Variants in SLAMF6 observed in about 807,000 individuals in gnomAD.
SLAMF6 encodes SLAM family member 6.
A neutral mutation model predicts 38.3 loss-of-function variants in SLAMF6; 21 were observed. The ratio of observed to expected loss-of-function variants is 0.55; its 90% CI spans 0.39 to 0.79. The LOEUF (loss-of-function observed/expected upper bound fraction) is 0.79, where lower values mean the gene tolerates loss of function less well. SLAMF6 is among the 30% of genes least tolerant of loss of function. The pLI is 0.00. For missense variants in SLAMF6, 341 were observed against 385.3 expected, an observed-to-expected ratio of 0.89 and a Z score of 0.96; for synonymous variants, 152 against 146.3, an observed-to-expected ratio of 1.04 and a Z score of -0.28.
chr1:160,499,787 G>C (rs1653786500), intron 1 of SLAMF6, among the ~76,000 whole-genome samples: 1 of 152,162 alleles, frequency 6.6e-6, no homozygotes, highest in African/African-American at 2.4e-5. Flanking sequence ...CTCAGCTCCT[G>C]GGTGAGCTTG....
At chr1:160,489,211 TG>T (rs1173271669) in intron 5 of SLAMF6, 41 bp from the exon 6 acceptor site, 4 of 1,607,434 alleles carry the variant, frequency 2.5e-6, no homozygotes, top group Non-Finnish European at 3.4e-6. Context: ...ACAAGGACTC[TG>T]GGACTTCTCT....
chr1:160,505,406 A>C (rs1654129614), intron 1 of SLAMF6, among the ~76,000 whole-genome samples: 1 of 151,718 alleles, frequency 6.6e-6, no homozygotes, highest in Admixed American at 6.6e-5. Context: ...TCTTTAAGTC[A>C]ACTGTCTTTT....
intron 1 of SLAMF6, among the ~76,000 whole-genome samples, chr1:160,520,696 A>C (rs1162667969): frequency 6.6e-6 from 1 of 152,176 alleles, no homozygotes; most frequent in Non-Finnish European, 1.5e-5. Context: ...ATTATTTTTC[A>C]ATATGGTTTG....
At chr1:160,502,000 T>C (rs188830597) in intron 1 of SLAMF6, among the ~76,000 whole-genome samples, 1 of 152,254 alleles carries the variant, frequency 6.6e-6, no homozygotes, top group East Asian at 1.9e-4. Context: ...CAGATGCTAC[T>C]GAAAATGTTT....
chr1:160,520,352 C>G (rs564769310), intron 1 of SLAMF6, among the ~76,000 whole-genome samples: 2 of 152,270 alleles, frequency 1.3e-5, no homozygotes, highest in Admixed American at 1.3e-4. Flanking sequence ...ATTTCTTCCT[C>G]CCTACAATCC....
chr1:160,522,629 T>TC (rs942663024), intron 1 of SLAMF6, among the ~76,000 whole-genome samples: 1 of 5,666 alleles, frequency 1.8e-4, no homozygotes, highest in South Asian at 4.2e-3. Flanking sequence ...GATGGAAACC[T>TC]TTTTTTTTGC....
At chr1:160,508,440 A>G (rs1249263393) in intron 1 of SLAMF6, among the ~76,000 whole-genome samples, 1 of 152,220 alleles carries the variant, frequency 6.6e-6, no homozygotes, top group Admixed American at 6.5e-5. Context: ...TGGTGCTGGG[A>G]AAACTGGCTA....
chr1:160,491,465 C>T, intron 2 of SLAMF6, 77 bp from the exon 3 acceptor site: 2 of 1,541,682 alleles, frequency 1.3e-6, no homozygotes, highest in African/African-American at 2.7e-5. Context: ...TATCCTTCAC[C>T]TCAATGTTTT....
intron 1 of SLAMF6, among the ~76,000 whole-genome samples, chr1:160,519,935 T>C (rs1288392813): frequency 6.6e-6 from 1 of 152,134 alleles, no homozygotes; most frequent in African/African-American, 2.4e-5. Flanking sequence ...TTACAAGAAT[T>C]TCACCTTAAT....
chr1:160,504,806 T>C (rs1654095774), intron 1 of SLAMF6, among the ~76,000 whole-genome samples: 1 of 152,154 alleles, frequency 6.6e-6, no homozygotes, highest in Non-Finnish European at 1.5e-5. Flanking sequence ...AATTCAGGCA[T>C]TAAGAAAATG....
At position 160,490,237 on chromosome 1, in the gene SLAMF6, C is replaced by A. The variant is rs770010519; in HGVS notation, c.758-1G>T. 1.9e-6 allele frequency: 3 copies of A among 1,613,626 alleles called. No homozygotes were observed. The Admixed American group carries it at 5.0e-5, about 27-fold the overall frequency. Reference sequence around the variant, plus strand: ...CGCTGAGTAGACAAAGATAGGGAATCTGAAAAATAAAACCAGAAAATTGAA... The same window carrying A: ...CGCTGAGTAGACAAAGATAGGGAATATGAAAAATAAAACCAGAAAATTGAA... On this transcript the variant is annotated splice_acceptor_variant, in intron 4 of 7. Coordinates refer to ENST00000368057, the MANE Select transcript of SLAMF6 (RefSeq NM_001184714.2). LOFTEE classifies it high-confidence loss of function.
At position 160,485,725 on chromosome 1, in the gene SLAMF6, C is replaced by G. The variant is rs186602161; in HGVS notation, c.*982G>C. ...TTGTGGAGAGTGGGTTGGAGAGGGACAAGAACAAAAGTGAGGACAACTGTT... is the reference window on the plus strand; with the variant it reads ...TTGTGGAGAGTGGGTTGGAGAGGGAGAAGAACAAAAGTGAGGACAACTGTT... On this transcript the variant is annotated 3_prime_UTR_variant, in exon 8 of 8. Transcript: ENST00000368057. The G allele has an allele frequency of 1.6e-4, 25 of 152,648 alleles. No individual in the cohort carries two copies. 9.5% of individuals were successfully genotyped at this position (152,648 alleles called of 1,614,324 possible).
chr1:160,518,932 TAAAAAAG>T (rs1654866713), intron 1 of SLAMF6, among the ~76,000 whole-genome samples: 1 of 151,708 alleles, frequency 6.6e-6, no homozygotes, highest in African/African-American at 2.4e-5. Flanking sequence ...AATAAAATGA[TAAAAAAG>T]AAAAAAGATA....
At chr1:160,487,771 A>G (rs1653045781) in intron 6 of SLAMF6, among the ~76,000 whole-genome samples, 1 of 152,158 alleles carries the variant, frequency 6.6e-6, no homozygotes. Flanking sequence ...GACACTTTAA[A>G]TTAATGAAGA....
At position 160,523,207 on chromosome 1, in the gene SLAMF6, A is replaced by T. The variant is rs770562274; in HGVS notation, c.-15T>A. 3 of 1,612,916 alleles carry T rather than the reference A, an allele frequency of 1.9e-6. No individual in the cohort carries two copies. The South Asian group carries it at 3.3e-5, about 18-fold the overall frequency. On this transcript the variant is annotated 5_prime_UTR_variant, in exon 1 of 8. Coordinates refer to ENST00000368057, the MANE Select transcript of SLAMF6 (RefSeq NM_001184714.2). ...AGCCACAACATGCTTTCCGCGGTGAAGACTGGTGCTTGAGACCTTGAGGCA... is the reference window on the plus strand; with the variant it reads ...AGCCACAACATGCTTTCCGCGGTGATGACTGGTGCTTGAGACCTTGAGGCA...
Position 160,485,696 on chromosome 1 carries a change from CA to C in SLAMF6, c.*1010del, listed in dbSNP as rs1571274742. On this transcript the variant is annotated 3_prime_UTR_variant, in exon 8 of 8. Coordinates refer to ENST00000368057, the MANE Select transcript of SLAMF6 (RefSeq NM_001184714.2). Reference sequence around the variant, plus strand: ...TTTATATTAAAAACATTACTCTGGCCATCTTGTGGAGAGTGGGTTGGAGAGG... The same window carrying C: ...TTTATATTAAAAACATTACTCTGGCCTCTTGTGGAGAGTGGGTTGGAGAGG... 2 of 152,574 alleles carry C rather than the reference CA, an allele frequency of 1.3e-5. No homozygotes were observed. Among genetic ancestry groups the C allele is most frequent in the African/African-American group, 4.8e-5 (2 of 41,414 alleles). 9.5% of individuals were successfully genotyped at this position (152,574 alleles called of 1,614,324 possible). A position where few individuals can be genotyped will look rare whatever the true frequency, so the allele number is the denominator to read the frequency against.
intron 6 of SLAMF6, 55 bp downstream of exon 6, chr1:160,489,033 G>T: frequency 1.3e-6 from 2 of 1,487,934 alleles, no homozygotes; most frequent in African/African-American, 1.4e-5. Context: ...TGACAAGTTT[G>T]TGAACAATGG....
At chr1:160,489,256 TC>T in intron 5 of SLAMF6, 86 bp from the exon 6 acceptor site, 1 of 1,308,984 alleles carries the variant, frequency 7.6e-7, no homozygotes, top group Non-Finnish European at 1.1e-6. Flanking sequence ...GCACACTGTG[TC>T]CCCAGATAGG....
At chr1:160,519,604 T>C (rs1654894542) in intron 1 of SLAMF6, among the ~76,000 whole-genome samples, 1 of 152,142 alleles carries the variant, frequency 6.6e-6, no homozygotes, top group Non-Finnish European at 1.5e-5. Context: ...TACAAAATAC[T>C]ATTCAGCCAA....
Sources: allele counts gnomAD v4.1 joint callset (sites outside exome capture counted in the v4.1 genomes callset), GRCh38; gene constraint gnomAD v4.1.1; transcripts MANE v1.5; gene names NCBI Gene and HGNC (gene_info 2026-07-23, HGNC 2026-07-21).